Variants in AP3S1 observed in about 807,000 individuals in gnomAD.
AP3S1 encodes AP-3 complex subunit sigma-1.
In AP3S1, 12 loss-of-function variants were observed where a neutral mutation model predicts 21.3. The observed-to-expected ratio is 0.56, with a 90% CI of 0.36 to 0.91. The LOEUF is 0.91. Ranked by LOEUF, AP3S1 falls within the 40% of genes least tolerant of loss-of-function variation. The pLI is 0.01. For synonymous variants in AP3S1, 48 were observed against 78.4 expected (o/e 0.61, Z 2.05); for missense variants, 116 against 225.0 (o/e 0.52, Z 3.10).
rs185306015 is a variant in AP3S1, at chr5:115,878,313, C to A, written c.273+8185C>A. ...TGAATGGTATTGCCTAGGTTTTCTT[C>A]TAGGGTTTTTATGGTTTTGGGTCTT... On this transcript the variant is annotated intron_variant, in intron 3 of 5. Coordinates refer to ENST00000316788, the MANE Select transcript of AP3S1 (RefSeq NM_001284.4). 1.6e-4 allele frequency among the ~76,000 whole-genome samples: 25 copies of A among 152,252 alleles called. No homozygotes were observed. In the East Asian group the frequency reaches 4.8e-3, roughly 29 times the overall value.
intron 1 of AP3S1, among the ~76,000 whole-genome samples, chr5:115,861,855 CTTTT>C (rs1182028837): frequency 2.9e-5 from 4 of 135,798 alleles, no homozygotes; most frequent in Non-Finnish European, 3.2e-5. Context: ...CCAAAATTTT[CTTTT>C]CTTTTCTTTT....
Position 115,866,708 on chromosome 5 carries a change from C to G in AP3S1, c.108C>G (p.Phe36Leu). Reference sequence around the variant, plus strand: ...AACAGCAAATCATCAGGGAGACTTTCCATTTGGTATCTAAGAGAGATGAAA... The same window carrying G: ...AACAGCAAATCATCAGGGAGACTTTGCATTTGGTATCTAAGAGAGATGAAA... ...DTQQQIIRET[F>L]HLVSKRDENV... The change falls in exon 2 of 6, where the codon TTC (phenylalanine) becomes TTG (leucine). Residue 36 changes from phenylalanine (F) to leucine (L), a missense_variant. Around this residue, in one of 3 missense-constraint regions of AP3S1, gnomAD observed 50 missense variants for 55.5 expected, o/e 0.90. Transcript: ENST00000316788. 6.2e-7 allele frequency: 1 copy of G among 1,605,806 alleles called. No homozygotes were observed. The highest frequency in any genetic ancestry group is 1.1e-5 in the South Asian group (1 of 90,096).
Position 115,889,517 on chromosome 5 carries a change from A to G in AP3S1, c.274-5570A>G, listed in dbSNP as rs182998559. 5.8e-4 allele frequency among the ~76,000 whole-genome samples: 88 copies of G among 152,308 alleles called. 1 individual carries two copies. The highest frequency in any genetic ancestry group is 3.5e-4 in the Non-Finnish European group (24 of 68,022). ...GCCAAGATTCCTTAAAGTGGACATA[A>G]AACAATGTTAACTACAAAGAAGAAA... On this transcript the variant is annotated intron_variant, in intron 3 of 5. Coordinates refer to ENST00000316788, the MANE Select transcript of AP3S1 (RefSeq NM_001284.4).
rs114743403 is a variant in AP3S1, at chr5:115,882,271, A to G, written c.273+12143A>G. ...TTGAGGAACTGTGGACCTTTGGAGG[A>G]GAAGAGGCAGTCTGGCTTTTGGAAT... On this transcript the variant is annotated intron_variant, in intron 3 of 5. Coordinates refer to ENST00000316788, the MANE Select transcript of AP3S1 (RefSeq NM_001284.4). 2.5e-3 allele frequency among the ~76,000 whole-genome samples: 385 copies of G among 151,982 alleles called. 1 individual carries two copies. The highest frequency in any genetic ancestry group is 8.5e-3 in the African/African-American group (352 of 41,452).
At chr5:115,892,266 A>T (rs1750372395) in intron 3 of AP3S1, among the ~76,000 whole-genome samples, 1 of 152,178 alleles carries the variant, frequency 6.6e-6, no homozygotes, top group Non-Finnish European at 1.5e-5. Flanking sequence ...TCCTCAAAAA[A>T]CTAAAAATAG....
At chr5:115,897,152 A>T (rs895952909) in intron 4 of AP3S1, among the ~76,000 whole-genome samples, 2 of 152,216 alleles carry the variant, frequency 1.3e-5, no homozygotes, top group African/African-American at 4.8e-5. Flanking sequence ...ACATTTTAGA[A>T]TATGTATAGT....
At chr5:115,907,867 C>T (rs1751779454) in intron 5 of AP3S1, among the ~76,000 whole-genome samples, 1 of 151,908 alleles carries the variant, frequency 6.6e-6, no homozygotes, top group South Asian at 2.1e-4. Flanking sequence ...TGTGTGAAAC[C>T]ATGTAAGCAA....
At chr5:115,867,015 C>T (rs2112829572) in intron 2 of AP3S1, among the ~76,000 whole-genome samples, 1 of 152,068 alleles carries the variant, frequency 6.6e-6, no homozygotes, top group South Asian at 2.1e-4. Context: ...TCCAACATTA[C>T]AGGGAAGTAT....
chr5:115,892,830 A>T (rs955976180), intron 3 of AP3S1, among the ~76,000 whole-genome samples: 2 of 152,228 alleles, frequency 1.3e-5, no homozygotes, highest in African/African-American at 4.8e-5. Context: ...GATTGTTTGT[A>T]ACACAAAGGA....
At chr5:115,850,395 G>C (rs764627963) in intron 1 of AP3S1, among the ~76,000 whole-genome samples, 6 of 152,180 alleles carry the variant, frequency 3.9e-5, no homozygotes, top group Non-Finnish European at 5.9e-5. Context: ...TTTAACAGTT[G>C]CAAGTGTACA....
chr5:115,845,836 CAAAAAAAAAAAAAAAAAAAAAAAAA>C (rs755171274), intron 1 of AP3S1, among the ~76,000 whole-genome samples: 6 of 34,432 alleles, frequency 1.7e-4, no homozygotes, highest in East Asian at 1.6e-3. Context: ...GACTCCATCT[CAAAAAAAAAAAAAAAAAAAAAAAAA>C]AAAAAAAAAA....
intron 5 of AP3S1, among the ~76,000 whole-genome samples, chr5:115,905,110 T>C (rs889981240): frequency 3.3e-5 from 5 of 152,102 alleles, no homozygotes; most frequent in African/African-American, 9.7e-5. Flanking sequence ...CAAGGTCTGA[T>C]TTTTCACAAA....
At chr5:115,865,162 C>T (rs1763514954) in intron 1 of AP3S1, among the ~76,000 whole-genome samples, 1 of 151,986 alleles carries the variant, frequency 6.6e-6, no homozygotes, top group African/African-American at 2.4e-5. Flanking sequence ...AAACACCTCT[C>T]CTCGTCCTCT....
intron 5 of AP3S1, chr5:115,907,051 T>A (rs1751710079): frequency 1.1e-6 from 1 of 916,942 alleles, no homozygotes; most frequent in East Asian, 1.2e-4. Flanking sequence ...TGTATTTTAC[T>A]AGTATATCAT....
intron 3 of AP3S1, among the ~76,000 whole-genome samples, chr5:115,874,976 A>G (rs917056542): frequency 2.6e-5 from 4 of 152,168 alleles, no homozygotes; most frequent in Non-Finnish European, 5.9e-5. Context: ...AATAACACCA[A>G]TTCACAGAGT....
chr5:115,896,503 G>T (rs113622611), intron 4 of AP3S1, among the ~76,000 whole-genome samples: 1 of 152,188 alleles, frequency 6.6e-6, no homozygotes, highest in Non-Finnish European at 1.5e-5. Flanking sequence ...TGAAGACCAG[G>T]TGCAGGTGCT....
chr5:115,877,535 C>A lies in AP3S1; in HGVS notation c.273+7407C>A, dbSNP rs1748840574. Among the ~76,000 whole-genome samples, 4 of 152,154 alleles carry A rather than the reference C, an allele frequency of 2.6e-5. No individual in the cohort carries two copies. In the South Asian group the frequency reaches 8.3e-4, roughly 32 times the overall value. On this transcript the variant is annotated intron_variant, in intron 3 of 5. Coordinates refer to ENST00000316788, the MANE Select transcript of AP3S1 (RefSeq NM_001284.4). ...GTCCCTGCAAAGGACAGGAACTCAT[C>A]CTTTTTATGGCTGCATAGTATTCCA...
chr5:115,855,429 C>T (rs1394751919), intron 1 of AP3S1, among the ~76,000 whole-genome samples: 1 of 151,872 alleles, frequency 6.6e-6, no homozygotes, highest in Admixed American at 6.6e-5. Context: ...GCCTTGATCT[C>T]CCTGGGCTCA....
chr5:115,871,335 C>T (rs1313529656), intron 3 of AP3S1, among the ~76,000 whole-genome samples: 1 of 152,112 alleles, frequency 6.6e-6, no homozygotes, highest in African/African-American at 2.4e-5. Flanking sequence ...TTTTGTAATT[C>T]TTGGTGATTC....
Sources: allele counts gnomAD v4.1 joint callset (sites outside exome capture counted in the v4.1 genomes callset), GRCh38; gene constraint gnomAD v4.1.1; regional missense constraint gnomAD v4.1.1; transcripts MANE v1.5; gene names NCBI Gene and HGNC (gene_info 2026-07-23, HGNC 2026-07-21).